FMNL2: variants seen among roughly 807,000 people sequenced by gnomAD.
The protein encoded by FMNL2 is formin like 2.
In FMNL2, 51 loss-of-function variants were observed where a neutral mutation model predicts 130.2. The observed-to-expected ratio is 0.39, with a 90% CI of 0.31 to 0.49. FMNL2 has a LOEUF of 0.49. Among genes scored for constraint, FMNL2 ranks in the 20% least tolerant of loss-of-function variants. The pLI, the probability that FMNL2 is intolerant of heterozygous loss-of-function variation, is 0.85. For synonymous variants in FMNL2, 465 were observed against 467.1 expected (o/e 1.00, Z 0.06); for missense variants, 977 against 1,316.2 (o/e 0.74, Z 3.99).
intron 1 of FMNL2, among the ~76,000 whole-genome samples, chr2:152,346,183 C>T (rs1405123734): frequency 6.6e-6 from 1 of 152,048 alleles, no homozygotes; most frequent in Admixed American, 6.5e-5. Context: ...TGCCTCTGTG[C>T]CCGGCTAATT....
At chr2:152,630,231 CTAT>C (rs1453378341) in intron 20 of FMNL2, among the ~76,000 whole-genome samples, 2 of 152,158 alleles carry the variant, frequency 1.3e-5, no homozygotes, top group African/African-American at 4.8e-5. Context: ...ATACAGTGAA[CTAT>C]TATTCTTCCA....
chr2:152,439,014 G>T (rs1687917178), intron 1 of FMNL2, among the ~76,000 whole-genome samples: 1 of 151,746 alleles, frequency 6.6e-6, no homozygotes, highest in Non-Finnish European at 1.5e-5. Context: ...TACTTGAAAA[G>T]AAAGTAGAAA....
At position 152,647,948 on chromosome 2, in the gene FMNL2, A is replaced by G. The variant is rs979978063; in HGVS notation, c.*43A>G. 1.2e-5 allele frequency: 18 copies of G among 1,474,180 alleles called. No individual in the cohort carries two copies. Among genetic ancestry groups the G allele is most frequent in the Non-Finnish European group, 1.7e-5 (18 of 1,076,578 alleles). 91.3% of individuals were successfully genotyped at this position (1,474,180 alleles called of 1,614,324 possible). A position where few individuals can be genotyped will look rare whatever the true frequency, so the allele number is the denominator to read the frequency against. On this transcript the variant is annotated 3_prime_UTR_variant, in exon 26 of 26. Coordinates refer to ENST00000288670, the MANE Select transcript of FMNL2 (RefSeq NM_052905.4). The stretch of plus-strand genomic sequence containing the variant: ...ATGAATACAGGGTGTGCGTGAATGA[A>G]ACTGCCCACATGAACTTTATGTGCT...
At chr2:152,583,074 A>G (rs113309198) in intron 9 of FMNL2, among the ~76,000 whole-genome samples, 2,936 of 152,328 alleles carry the variant, frequency 0.019, 65 homozygotes, top group Non-Finnish European at 0.025. Flanking sequence ...AGACTTATAT[A>G]TGCTTTAGCT....
At chr2:152,598,691 ATCAG>A (rs1697889345) in intron 9 of FMNL2, among the ~76,000 whole-genome samples, 1 of 152,216 alleles carries the variant, frequency 6.6e-6, no homozygotes, top group African/African-American at 2.4e-5. Context: ...CTCTGTCTCA[ATCAG>A]TCAGTCAGTA....
intron 1 of FMNL2, among the ~76,000 whole-genome samples, chr2:152,499,044 G>C (rs1440438604): frequency 1.3e-5 from 2 of 152,198 alleles, no homozygotes; most frequent in Non-Finnish European, 2.9e-5. Context: ...GAGTAGGATG[G>C]GAGGGGTCAA....
intron 9 of FMNL2, among the ~76,000 whole-genome samples, chr2:152,601,331 C>T (rs1388970633): frequency 2.2e-5 from 3 of 134,486 alleles, no homozygotes; most frequent in African/African-American, 8.0e-5. Flanking sequence ...GATGGAGTCT[C>T]GCTCTGTCAC....
intron 6 of FMNL2, among the ~76,000 whole-genome samples, chr2:152,568,919 C>T (rs747030521): frequency 2.6e-5 from 4 of 152,210 alleles, no homozygotes; most frequent in African/African-American, 4.8e-5. Flanking sequence ...TGAGTAAATC[C>T]GGTGTTTGAT....
intron 2 of FMNL2, among the ~76,000 whole-genome samples, chr2:152,537,764 T>G (rs979737847): frequency 6.6e-6 from 1 of 152,194 alleles, no homozygotes; most frequent in Admixed American, 6.5e-5. Context: ...TAAAAAATGT[T>G]TATACTATTA....
At chr2:152,343,213 C>G (rs551773916) in intron 1 of FMNL2, among the ~76,000 whole-genome samples, 1 of 152,348 alleles carries the variant, frequency 6.6e-6, no homozygotes, top group East Asian at 1.9e-4. Context: ...CTGCTATCCC[C>G]AGAAGTAATC....
At chr2:152,520,710 T>C (rs924553837) in intron 1 of FMNL2, among the ~76,000 whole-genome samples, 6 of 152,172 alleles carry the variant, frequency 3.9e-5, no homozygotes, top group African/African-American at 1.4e-4. Flanking sequence ...AGATGTTAGA[T>C]TGAGTTTAAG....
chr2:152,474,608 C>G (rs1174189294), intron 1 of FMNL2, among the ~76,000 whole-genome samples: 1 of 152,136 alleles, frequency 6.6e-6, no homozygotes, highest in Non-Finnish European at 1.5e-5. Context: ...ATTGCTTGAA[C>G]CCAGGAGGTA....
intron 1 of FMNL2, among the ~76,000 whole-genome samples, chr2:152,443,068 A>G (rs1579675195): frequency 6.6e-6 from 1 of 152,220 alleles, no homozygotes; most frequent in African/African-American, 2.4e-5. Context: ...TTCAGGTAAG[A>G]AATAATGATG....
At chr2:152,415,876 G>A (rs1686584159) in intron 1 of FMNL2, among the ~76,000 whole-genome samples, 1 of 152,190 alleles carries the variant, frequency 6.6e-6, no homozygotes, top group Non-Finnish European at 1.5e-5. Context: ...TACCATAGCT[G>A]CTTCTGCCAA....
chr2:152,375,896 T>TATATATATATATATAA (rs1553871971), intron 1 of FMNL2, among the ~76,000 whole-genome samples: 2 of 143,672 alleles, frequency 1.4e-5, no homozygotes, highest in African/African-American at 5.1e-5. Flanking sequence ...TATATATATA[T>TATATATATATATATAA]AATTATTATT....
intron 5 of FMNL2, among the ~76,000 whole-genome samples, chr2:152,559,251 C>T (rs1695395486): frequency 6.6e-6 from 1 of 152,136 alleles, no homozygotes; most frequent in Non-Finnish European, 1.5e-5. Flanking sequence ...AAACAGATAC[C>T]AAACGTAGTG....
intron 2 of FMNL2, among the ~76,000 whole-genome samples, chr2:152,526,601 T>A (rs1352370399): frequency 6.6e-6 from 1 of 152,208 alleles, no homozygotes; most frequent in Non-Finnish European, 1.5e-5. Context: ...CTTAATATGT[T>A]AAATTGGTTA....
intron 1 of FMNL2, among the ~76,000 whole-genome samples, chr2:152,437,645 C>T (rs946108763): frequency 6.6e-6 from 1 of 152,132 alleles, no homozygotes; most frequent in African/African-American, 2.4e-5. Context: ...CTATATTTTA[C>T]AGTCTATCGG....
intron 1 of FMNL2, among the ~76,000 whole-genome samples, chr2:152,468,965 A>G (rs1689706561): frequency 6.6e-6 from 1 of 152,374 alleles, no homozygotes; most frequent in East Asian, 1.9e-4. Context: ...TAGACTCCAC[A>G]TAACATACAC....
Sources: gnomAD v4.1 joint callset for allele counts (sites outside exome capture counted in the v4.1 genomes callset) on GRCh38, gnomAD v4.1.1 for gene constraint, MANE v1.5 for transcripts, NCBI Gene and HGNC (gene_info 2026-07-23, HGNC 2026-07-21) for gene names.